PDXDC1: variants seen among roughly 807,000 people sequenced by gnomAD.
PDXDC1 encodes pyridoxal dependent decarboxylase domain containing 1.
PDXDC1 carries 42 observed loss-of-function variants against 100.1 expected under a neutral mutation model. The ratio of observed to expected loss-of-function variants is 0.42; its 90% CI spans 0.33 to 0.54. The LOEUF (loss-of-function observed/expected upper bound fraction) is 0.54, where lower values mean the gene tolerates loss of function less well. Among genes scored for constraint, PDXDC1 ranks in the 20% least tolerant of loss-of-function variants. The probability of loss-of-function intolerance (pLI) is 0.10; values close to 1 mark genes in which losing one functional copy is unlikely to be tolerated. For missense variants in PDXDC1, 636 were observed against 979.2 expected (o/e 0.65, Z 4.68); for synonymous variants, 260 against 371.7 (o/e 0.70, Z 3.46).
intron 13 of PDXDC1, among the ~76,000 whole-genome samples, chr16:15,024,469 CG>C (rs2042434925): frequency 6.7e-6 from 1 of 148,852 alleles, no homozygotes; most frequent in South Asian, 2.1e-4. Flanking sequence ...TGCAGTGGTG[CG>C]ATCTTGGCTC....
Position 15,036,216 on chromosome 16 carries a change from G to C in PDXDC1, c.2308G>C (p.Gly770Arg), listed in dbSNP as rs1290197699. 1 of 1,613,966 alleles carries C rather than the reference G, an allele frequency of 6.2e-7. No individual in the cohort carries two copies. The highest frequency in any genetic ancestry group is 8.5e-7 in the Non-Finnish European group (1 of 1,179,996). ...CGACCAGACCGAGGCCTTCCAGAAA[G>C]GGGTCCCACACCCAGAAGATGACCA... ...HTDQTEAFQK[G>R]VPHPEDDHSQ... Residue 770 changes from glycine (G) to arginine (R), a missense_variant, in exon 23 of 23, where the codon GGG becomes CGG. Gly to Arg is a moderately radical substitution (Grantham distance 125). This residue lies in a region of PDXDC1 where 452 missense variants were observed against 402.9 expected (regional missense o/e 1.12). Coordinates refer to ENST00000396410, the MANE Select transcript of PDXDC1 (RefSeq NM_015027.4).
At chr16:15,145,322 G>A in the PDXDC1 span, among the ~76,000 whole-genome samples, 4 of 152,372 alleles carry the variant, frequency 2.6e-5, no homozygotes, top group Admixed American at 6.5e-5. Flanking sequence ...GATGGCACGA[G>A]CCATCCTGAG....
intron 13 of PDXDC1, among the ~76,000 whole-genome samples, chr16:15,024,216 G>A (rs1597595078): frequency 1.3e-5 from 2 of 152,258 alleles, no homozygotes; most frequent in Admixed American, 1.3e-4. Context: ...CTAATACCAT[G>A]AGGCATTATG....
At chr16:15,087,442 T>C (rs1487233521) in intron 16 of PDXDC1, among the ~76,000 whole-genome samples, 1 of 152,178 alleles carries the variant, frequency 6.6e-6, no homozygotes, top group Non-Finnish European at 1.5e-5. Context: ...TCTGTCTCGG[T>C]CAAGGCTATC....
chr16:15,070,262 A>G (rs748308463), intron 16 of PDXDC1: 1 of 1,611,642 alleles, frequency 6.2e-7, no homozygotes, highest in Admixed American at 1.7e-5. Context: ...GTACTAGAGA[A>G]AAGAAAAATT....
intron 16 of PDXDC1, among the ~76,000 whole-genome samples, chr16:15,088,691 C>G (rs987551546): frequency 6.6e-6 from 1 of 152,048 alleles, no homozygotes; most frequent in Non-Finnish European, 1.5e-5. Context: ...TCTGGAAGTT[C>G]TGCTTCTTAC....
rs1361024365 is a variant in PDXDC1, at chr16:15,032,002, C to T, written c.1571+96C>T. On this transcript the variant is annotated intron_variant, in intron 17 of 22. Coordinates refer to ENST00000396410, the MANE Select transcript of PDXDC1 (RefSeq NM_015027.4). ...AACCACCTTAGAAATCCAAGATGAA[C>T]GTGTAGTCACAATATGCTTAACGAA... 72 of 1,083,578 alleles carry T rather than the reference C, an allele frequency of 6.6e-5. 1 individual carries two copies. Among genetic ancestry groups the T allele is most frequent in the East Asian group, 2.1e-4 (8 of 38,152 alleles). 67.1% of individuals were successfully genotyped at this position (1,083,578 alleles called of 1,614,324 possible). A position where few individuals can be genotyped will look rare whatever the true frequency, so the allele number is the denominator to read the frequency against.
In PDXDC1 at chr16:15,079,005, T is replaced by G. The variant is rs1462330423; in HGVS notation, c.1399+48949T>G. Among the ~76,000 whole-genome samples, 6 of 151,972 alleles carry G rather than the reference T, an allele frequency of 3.9e-5. No individual in the cohort carries two copies. The East Asian group carries it at 9.7e-4, about 24-fold the overall frequency. On this transcript the variant is annotated intron_variant, in intron 16 of 16. Transcript: ENST00000535621. ...TTTTTGTATTTTTAGTGAGACAGAG[T>G]TTCACCATGTTAGCCAGGATGGTCT...
intron 8 of PDXDC1, among the ~76,000 whole-genome samples, chr16:15,014,677 G>A (rs1468076170): frequency 2.6e-5 from 4 of 152,266 alleles, no homozygotes; most frequent in African/African-American, 9.6e-5. Context: ...CTTTAGCTGT[G>A]TTTGTTGAGG....
intron 19 of PDXDC1, 114 bp downstream of exon 19, chr16:15,033,513 T>C: frequency 8.1e-7 from 1 of 1,228,978 alleles, no homozygotes; most frequent in Admixed American, 1.9e-5. Context: ...TCTCAAAGTC[T>C]GTCAATGTTT....
intron 16 of PDXDC1, among the ~76,000 whole-genome samples, chr16:15,128,982 A>AT (rs1415822856): frequency 6.7e-6 from 1 of 149,106 alleles, no homozygotes; most frequent in African/African-American, 2.5e-5. Context: ...ATTTTTTTGT[A>AT]TTTTTTAGTA....
chr16:15,025,263 A>G (rs1391325831), intron 13 of PDXDC1: 1 of 152,380 alleles, frequency 6.6e-6, no homozygotes, highest in Non-Finnish European at 1.5e-5. Flanking sequence ...GTTCAAAGAA[A>G]GAAAAGATGA....
chr16:15,053,886 T>C (rs1023005071), intron 16 of PDXDC1, among the ~76,000 whole-genome samples: 3 of 152,218 alleles, frequency 2.0e-5, no homozygotes, highest in Non-Finnish European at 2.9e-5. Flanking sequence ...CAATCCAGCC[T>C]GGGCCACAGA....
In PDXDC1 at chr16:15,106,210, T is replaced by A. The variant is rs2046791619; in HGVS notation, c.1400-32669T>A. On this transcript the variant is annotated intron_variant, in intron 16 of 16. Coordinates refer to the PDXDC1 transcript ENST00000535621. ...AGAGAGTCTAAGGGCCGTGGCATCA[T>A]CTGCATCAGCACTGAACTATCCTGC... 3 of 707,300 alleles carry A rather than the reference T, an allele frequency of 4.2e-6. 1 individual carries two copies. Among genetic ancestry groups the A allele is most frequent in the Non-Finnish European group, 6.7e-6 (3 of 447,860 alleles). The allele number at this position is 707,300 out of a possible 1,614,324, so 43.8% of individuals were successfully genotyped here.
chr16:15,133,044 G>T, intron 16 of PDXDC1: 1 of 808,552 alleles, frequency 1.2e-6, no homozygotes, highest in South Asian at 1.8e-5. Flanking sequence ...TAAGCACATG[G>T]GCCCTCCTGG....
At chr16:15,058,387 G>C (rs1193360413) in intron 16 of PDXDC1, among the ~76,000 whole-genome samples, 1 of 152,202 alleles carries the variant, frequency 6.6e-6, no homozygotes, top group East Asian at 1.9e-4. Context: ...CAAGATGGCT[G>C]ATGGCAAAGT....
downstream of PDXDC1, among the ~76,000 whole-genome samples, chr16:15,140,095 C>CAAAAAAAAAAAAAAAAA (rs372891971): frequency 2.3e-5 from 1 of 43,838 alleles, no homozygotes; most frequent in Non-Finnish European, 3.6e-5. Context: ...GACTCCATCT[C>CAAAAAAAAAAAAAAAAA]AAAAAAAAAA....
chr16:15,051,605 C>T (rs1402507213), intron 16 of PDXDC1, among the ~76,000 whole-genome samples: 1 of 152,126 alleles, frequency 6.6e-6, no homozygotes, highest in East Asian at 1.9e-4. Context: ...CTTCAGCCTC[C>T]TTTGCAGTAG....
At chr16:14,990,033 G>A in intron 1 of PDXDC1, 3 of 1,475,840 alleles carry the variant, frequency 2.0e-6, no homozygotes, top group South Asian at 1.3e-5. Context: ...GCCGCCCGCC[G>A]CCCGCTGCGC....
Sources: gnomAD v4.1 joint callset for allele counts (sites outside exome capture counted in the v4.1 genomes callset) on GRCh38, gnomAD v4.1.1 for gene constraint, gnomAD v4.1.1 regional missense constraint, MANE v1.5 for transcripts, NCBI Gene and HGNC (gene_info 2026-07-23, HGNC 2026-07-21) for gene names.